The following NDUFAF6 variants were observed in gnomAD, a reference collection of about 807,000 sequenced individuals.
The protein encoded by NDUFAF6 is NADH dehydrogenase (ubiquinone) complex I, assembly factor 6.
Under a neutral mutation model 40.8 loss-of-function variants are expected in NDUFAF6, and 45 were observed. The ratio of observed to expected loss-of-function variants is 1.10; its 90% CI spans 0.87 to 1.42. NDUFAF6 has a LOEUF of 1.42. Among genes scored for constraint, NDUFAF6 ranks in the 40% most tolerant of loss-of-function variants. The pLI is 0.00. For synonymous variants in NDUFAF6, 185 were observed against 155.9 expected, an observed-to-expected ratio of 1.19 and a Z score of -1.39; for missense variants, 435 against 418.5, an observed-to-expected ratio of 1.04 and a Z score of -0.34.
intron 1 of NDUFAF6, among the ~76,000 whole-genome samples, chr8:94,911,833 C>T (rs1454579510): frequency 6.6e-6 from 1 of 152,132 alleles, no homozygotes; most frequent in Admixed American, 6.5e-5. Context: ...TGGCAGGTTC[C>T]TTGAGAGCAG....
chr8:95,004,372 T>TG, intron 2 of NDUFAF6, among the ~76,000 whole-genome samples: 1 of 140,224 alleles, frequency 7.1e-6, no homozygotes, highest in East Asian at 2.1e-4. Flanking sequence ...TTTTTTTTTT[T>TG]GAGACCGGGT....
At chr8:94,991,635 A>G (rs891110607) in intron 2 of NDUFAF6, among the ~76,000 whole-genome samples, 5 of 152,168 alleles carry the variant, frequency 3.3e-5, no homozygotes, top group Non-Finnish European at 1.5e-5. Context: ...TTATCATTCC[A>G]GAGATTCTTT....
intron 9 of NDUFAF6, among the ~76,000 whole-genome samples, chr8:95,064,544 T>A (rs1832654118): frequency 6.8e-6 from 1 of 148,042 alleles, no homozygotes; most frequent in Non-Finnish European, 1.5e-5. Context: ...TTTATTCGTG[T>A]GTGTGTGTGT....
intron 4 of NDUFAF6, among the ~76,000 whole-genome samples, chr8:95,114,521 G>T (rs985989012): frequency 1.3e-5 from 2 of 152,226 alleles, no homozygotes; most frequent in Non-Finnish European, 2.9e-5. Context: ...AATAACTTTA[G>T]TCCCAAGTGA....
upstream of NDUFAF6, among the ~76,000 whole-genome samples, chr8:94,953,349 GAA>G (rs958962990): frequency 7.8e-6 from 1 of 128,616 alleles, no homozygotes. Flanking sequence ...TCCATCTCAA[GAA>G]AAAAAAAAAC....
chr8:94,910,548 C>G (rs994301508), intron 1 of NDUFAF6, among the ~76,000 whole-genome samples: 10 of 152,178 alleles, frequency 6.6e-5, no homozygotes, highest in Non-Finnish European at 1.0e-4. Context: ...CCTAGCCCTA[C>G]TGAGAGTTCA....
chr8:94,954,548 TGGTG>T (rs1822910403), upstream of NDUFAF6, among the ~76,000 whole-genome samples: 1 of 152,026 alleles, frequency 6.6e-6, no homozygotes. Flanking sequence ...AGAGAGAAGT[TGGTG>T]GGGAGGTAGT....
intron 4 of NDUFAF6, among the ~76,000 whole-genome samples, chr8:95,115,216 G>T (rs1810105990): frequency 6.6e-6 from 1 of 152,094 alleles, no homozygotes; most frequent in Non-Finnish European, 1.5e-5. Flanking sequence ...TAAAAAGTTT[G>T]TCTTGAACAC....
chr8:95,064,065 G>GTTTTTTT (rs1369326100), intron 9 of NDUFAF6, among the ~76,000 whole-genome samples: 1 of 131,956 alleles, frequency 7.6e-6, no homozygotes, highest in Admixed American at 8.0e-5. Flanking sequence ...TTTTTTTTTG[G>GTTTTTTT]ATTTTTACTA....
chr8:95,077,334 A>T (rs1244510897), downstream of NDUFAF6, among the ~76,000 whole-genome samples: 1 of 152,186 alleles, frequency 6.6e-6, no homozygotes, highest in South Asian at 2.1e-4. Context: ...CCCCTTCTCC[A>T]TGGGGAATAT....
At chr8:94,953,527 A>G (rs73697051), upstream of NDUFAF6, among the ~76,000 whole-genome samples, 4,987 of 152,294 alleles carry the variant, frequency 0.033, 224 homozygotes, top group African/African-American at 0.1. Context: ...GGCGGTTGTC[A>G]GAGATTAGTT....
chr8:95,017,099 ATTTTTTTTTT>A (rs781650429), intron 2 of NDUFAF6, among the ~76,000 whole-genome samples: 1 of 111,884 alleles, frequency 8.9e-6, no homozygotes, highest in East Asian at 2.5e-4. Flanking sequence ...TGCCCAGCTA[ATTTTTTTTTT>A]TTTTTTTTTT....
chr8:95,047,828 G>A (rs1397977613), intron 6 of NDUFAF6, among the ~76,000 whole-genome samples: 1 of 151,578 alleles, frequency 6.6e-6, no homozygotes, highest in African/African-American at 2.4e-5. Flanking sequence ...TTTTCTATAT[G>A]AGATTCATTA....
chr8:94,939,823 T>C, intron 1 of NDUFAF6: 3 of 1,580,660 alleles, frequency 1.9e-6, no homozygotes, highest in Non-Finnish European at 2.6e-6. Flanking sequence ...GCATGCTCAG[T>C]GGACTGCCTA....
chr8:95,078,657 A>AT (rs1287814166), downstream of NDUFAF6: 11 of 68,298 alleles, frequency 1.6e-4, no homozygotes, highest in African/African-American at 2.6e-4. Flanking sequence ...GTTAAAAAAA[A>AT]AAAAAATATA....
intron 1 of NDUFAF6, among the ~76,000 whole-genome samples, chr8:94,902,062 A>G (rs558680645): frequency 1.0e-3 from 153 of 152,292 alleles, no homozygotes; most frequent in African/African-American, 3.6e-3. Flanking sequence ...AAAGAAAAAA[A>G]AAAGGAGATA....
Position 95,048,448 on chromosome 8 carries a change from C to T in NDUFAF6, c.715-9C>T. On this transcript the variant is annotated splice_polypyrimidine_tract_variant and intron_variant, in intron 6 of 8. Transcript: ENST00000396124. ...AGGTTCCTAATATAATGTATATTTC[C>T]CCACACAGCATGGTGTTTCACAAGA... 6.3e-7 allele frequency: 1 copy of T among 1,597,952 alleles called. No homozygotes were observed. The highest frequency in any genetic ancestry group is 8.6e-7 in the Non-Finnish European group (1 of 1,165,376).
intron 4 of NDUFAF6, among the ~76,000 whole-genome samples, chr8:95,043,354 G>A (rs1345432361): frequency 6.6e-6 from 1 of 151,952 alleles, no homozygotes; most frequent in Non-Finnish European, 1.5e-5. Flanking sequence ...CTCCCGAAGT[G>A]CTGGGATTAC....
chr8:95,002,259 A>G (rs1489147196), intron 2 of NDUFAF6, among the ~76,000 whole-genome samples: 2 of 152,228 alleles, frequency 1.3e-5, no homozygotes, highest in Non-Finnish European at 2.9e-5. Context: ...CATAAAGAAT[A>G]TATGTTACTT....
Sources: allele counts gnomAD v4.1 joint callset (sites outside exome capture counted in the v4.1 genomes callset), GRCh38; gene constraint gnomAD v4.1.1; transcripts MANE v1.5; gene names NCBI Gene and HGNC (gene_info 2026-07-23, HGNC 2026-07-21).